Variants in PLB1 observed in about 807,000 individuals in gnomAD.
PLB1 encodes phospholipase B1, membrane-associated.
In PLB1, 242 loss-of-function variants were observed where a neutral mutation model predicts 227.4. The ratio of observed to expected loss-of-function variants is 1.06; its 90% CI spans 0.96 to 1.18. PLB1 has a LOEUF of 1.18. PLB1 is among the 50% of genes most tolerant of loss of function. The probability of loss-of-function intolerance (pLI) is 0.00; values close to 1 mark genes in which losing one functional copy is unlikely to be tolerated. For missense variants in PLB1, 1,858 were observed against 1,816.3 expected (o/e 1.02, Z -0.42); for synonymous variants, 757 against 682.2 (o/e 1.11, Z -1.71).
intron 32 of PLB1, 24 bp downstream of exon 32, chr2:28,592,743 G>A (rs1682185836): frequency 1.2e-6 from 2 of 1,612,120 alleles, no homozygotes; most frequent in South Asian, 2.2e-5. Context: ...GGCCCCAGGT[G>A]GTTTGGGGAT....
At chr2:28,602,792 C>T (rs375233930) in intron 38 of PLB1, 29 bp from the exon 39 acceptor site, 5 of 1,587,594 alleles carry the variant, frequency 3.1e-6, no homozygotes, top group East Asian at 4.5e-5. Flanking sequence ...TGCCTGGAGC[C>T]CCCCTCTCAT....
At chr2:28,561,062 C>T (rs73922159) in intron 17 of PLB1, among the ~76,000 whole-genome samples, 6,322 of 152,330 alleles carry the variant, frequency 0.042, 443 homozygotes, top group African/African-American at 0.14. Flanking sequence ...CTGTGACCCC[C>T]TCCTCAGGCC....
intron 23 of PLB1, among the ~76,000 whole-genome samples, chr2:28,581,340 G>C (rs926266491): frequency 2.0e-5 from 3 of 151,896 alleles, no homozygotes; most frequent in Non-Finnish European, 4.4e-5. Context: ...AAGAAAAAGA[G>C]ATCGGGCCAT....
intron 22 of PLB1, 68 bp from the exon 23 acceptor site, chr2:28,579,559 G>C: frequency 7.8e-7 from 1 of 1,280,316 alleles, no homozygotes; most frequent in Non-Finnish European, 1.1e-6. Context: ...TAGTTTGCAA[G>C]CATTTTGTGT....
intron 40 of PLB1, 49 bp from the exon 41 acceptor site, chr2:28,604,606 C>A (rs907106910): frequency 4.5e-6 from 7 of 1,547,204 alleles, no homozygotes; most frequent in Non-Finnish European, 6.2e-6. Flanking sequence ...TCACTGGGTC[C>A]TGGGCCCACC....
At chr2:28,632,227 T>C in intron 55 of PLB1, 87 bp downstream of exon 55, 1 of 1,147,486 alleles carries the variant, frequency 8.7e-7, no homozygotes, top group Non-Finnish European at 1.3e-6. Flanking sequence ...TGGGCTTTTT[T>C]TTTTTTTAAC....
intron 52 of PLB1, among the ~76,000 whole-genome samples, chr2:28,628,887 G>C (rs1051694357): frequency 5.3e-5 from 8 of 152,224 alleles, no homozygotes; most frequent in African/African-American, 1.9e-4. Flanking sequence ...CTTCGGGCAA[G>C]TGACTTCCCT....
chr2:28,517,679 A>G (rs1266399971), intron 2 of PLB1, among the ~76,000 whole-genome samples: 1 of 152,042 alleles, frequency 6.6e-6, no homozygotes, highest in African/African-American at 2.4e-5. Context: ...GGGATTGATT[A>G]TTTTTTCTTG....
At chr2:28,593,227 T>C (rs7607457) in intron 32 of PLB1, among the ~76,000 whole-genome samples, 31,348 of 152,138 alleles carry the variant, frequency 0.21, 3,466 homozygotes, top group East Asian at 0.28. Context: ...GAGAATACCT[T>C]ACAGAATGCC....
chr2:28,522,940 G>A (rs1572730524), intron 4 of PLB1, among the ~76,000 whole-genome samples: 1 of 152,180 alleles, frequency 6.6e-6, no homozygotes, highest in African/African-American at 2.4e-5. Context: ...GGAAGACAGT[G>A]AATTTAAGAA....
In PLB1 at chr2:28,568,010, A is replaced by G. The variant is rs185342134; in HGVS notation, c.1324+1171A>G. Among the ~76,000 whole-genome samples, 9 of 152,310 alleles carry G rather than the reference A, an allele frequency of 5.9e-5. No individual in the cohort carries two copies. In the East Asian group the frequency reaches 1.4e-3, roughly 23 times the overall value. Reference sequence around the variant, plus strand: ...AGAAGCTAACAACTTGAAGCCACCAAGATTTGGATGAGGGGGACATCATAG... The same window carrying G: ...AGAAGCTAACAACTTGAAGCCACCAGGATTTGGATGAGGGGGACATCATAG... On this transcript the variant is annotated intron_variant, in intron 20 of 57. Coordinates refer to ENST00000327757, the MANE Select transcript of PLB1 (RefSeq NM_153021.5).
chr2:28,499,413 C>A (rs143195908), intron 1 of PLB1, among the ~76,000 whole-genome samples: 106 of 152,172 alleles, frequency 7.0e-4, no homozygotes, highest in African/African-American at 2.5e-3. Flanking sequence ...TTTGCACCAA[C>A]CTAACACACA....
chr2:28,498,763 T>C (rs1041064508), intron 1 of PLB1, among the ~76,000 whole-genome samples: 1 of 152,252 alleles, frequency 6.6e-6, no homozygotes, highest in African/African-American at 2.4e-5. Context: ...TCTGTAGCTT[T>C]ATATTAACTT....
intron 4 of PLB1, among the ~76,000 whole-genome samples, chr2:28,522,783 C>T (rs916231777): frequency 6.6e-6 from 1 of 152,180 alleles, no homozygotes; most frequent in Non-Finnish European, 1.5e-5. Context: ...ATTGTCTGTG[C>T]ACTGACGGGT....
chr2:28,550,864 G>A (rs1674137184), intron 16 of PLB1, among the ~76,000 whole-genome samples: 1 of 152,062 alleles, frequency 6.6e-6, no homozygotes, highest in South Asian at 2.1e-4. Context: ...TTAACATCCT[G>A]GAACTCCCGC....
Position 28,585,744 on chromosome 2 carries a change from T to G in PLB1, c.1734-17T>G. Reference sequence around the variant, plus strand: ...GATCTTGGTGGGATGAGGGTTTCTCTTTGGTTTGGTCTACAGGTCTCTGTG... The same window carrying G: ...GATCTTGGTGGGATGAGGGTTTCTCGTTGGTTTGGTCTACAGGTCTCTGTG... On this transcript the variant is annotated splice_polypyrimidine_tract_variant and intron_variant, in intron 25 of 57. Transcript: ENST00000327757. The G allele has an allele frequency of 6.3e-7, 1 of 1,576,388 alleles. No individual in the cohort carries two copies. Among genetic ancestry groups the G allele is most frequent in the East Asian group, 2.2e-5 (1 of 44,700 alleles).
Position 28,608,036 on chromosome 2 carries a change from A to T in PLB1, c.3129+1469A>T, listed in dbSNP as rs533195285. ...TACCCCAGATCAGGCAGAGACCCCC[A>T]AAAGGAGGCTGCTCCACCCAGCAGC... On this transcript the variant is annotated intron_variant, in intron 43 of 57. Coordinates refer to ENST00000327757, the MANE Select transcript of PLB1 (RefSeq NM_153021.5). 2.0e-4 allele frequency among the ~76,000 whole-genome samples: 31 copies of T among 152,274 alleles called. 1 individual carries two copies. Among genetic ancestry groups the T allele is most frequent in the Middle Eastern group, 3.4e-3 (1 of 294 alleles).
chr2:28,545,367 G>A (rs1165662635), intron 14 of PLB1, among the ~76,000 whole-genome samples: 3 of 152,172 alleles, frequency 2.0e-5, no homozygotes, highest in African/African-American at 7.2e-5. Context: ...TTCCTCACAA[G>A]CAAAATGCCA....
chr2:28,617,065 C>T (rs968069700), intron 44 of PLB1, among the ~76,000 whole-genome samples: 3 of 152,108 alleles, frequency 2.0e-5, no homozygotes, highest in Non-Finnish European at 2.9e-5. Context: ...CACTCCTTTC[C>T]CCAGCACCTG....
Sources: allele counts gnomAD v4.1 joint callset (sites outside exome capture counted in the v4.1 genomes callset), GRCh38; gene constraint gnomAD v4.1.1; transcripts MANE v1.5; gene names NCBI Gene and HGNC (gene_info 2026-07-23, HGNC 2026-07-21).